Variants in ABCC4 observed in about 807,000 individuals in gnomAD.
ABCC4 encodes the protein ATP binding cassette subfamily C member 4 (PEL blood group), also known as ATP-binding cassette sub-family C member 4.
In ABCC4, 102 loss-of-function variants were observed where a neutral mutation model predicts 168.5. The observed-to-expected ratio is 0.61, with a 90% CI of 0.52 to 0.71. The LOEUF (loss-of-function observed/expected upper bound fraction) is 0.71. Ranked by LOEUF, ABCC4 falls within the 30% of genes least tolerant of loss-of-function variation. The probability of loss-of-function intolerance (pLI) is 0.00; values close to 1 mark genes in which losing one functional copy is unlikely to be tolerated. For missense variants in ABCC4, 1,402 were observed against 1,605.8 expected (o/e 0.87, Z 2.17); for synonymous variants, 617 against 590.7 (o/e 1.04, Z -0.65).
intron 21 of ABCC4, among the ~76,000 whole-genome samples, chr13:95,078,637 G>A (rs564929667): frequency 5.9e-5 from 9 of 152,218 alleles, no homozygotes; most frequent in African/African-American, 2.2e-4. Flanking sequence ...CTGCACCCTG[G>A]AACTTGGTCA....
Position 95,075,265 on chromosome 13 carries a change from C to A in ABCC4, c.2806+167G>T, listed in dbSNP as rs545592849. On this transcript the variant is annotated intron_variant, in intron 22 of 30. Transcript: ENST00000645237. The stretch of plus-strand genomic sequence containing the variant: ...GTGCAGCAGCGATTCCGAGAGGAGT[C>A]CAAGCCCAGAAGAAGGGGATGGGGA... 8 of 863,946 alleles carry A rather than the reference C, an allele frequency of 9.3e-6. No homozygotes were observed. The Admixed American group carries it at 1.9e-4, about 21-fold the overall frequency. The allele number at this position is 863,946 out of a possible 1,614,324, so 53.5% of individuals were successfully genotyped here. A position where few individuals can be genotyped will look rare whatever the true frequency, so the allele number is the denominator to read the frequency against.
intron 20 of ABCC4, 136 bp downstream of exon 20, chr13:95,115,786 C>A: frequency 1.4e-6 from 1 of 707,844 alleles, no homozygotes; most frequent in Non-Finnish European, 2.4e-6. Context: ...CTTTCTTTTA[C>A]AAACATGGCC....
intron 30 of ABCC4, among the ~76,000 whole-genome samples, chr13:95,032,197 C>T (rs1393217753): frequency 1.3e-5 from 2 of 152,186 alleles, no homozygotes; most frequent in African/African-American, 4.8e-5. Flanking sequence ...AGATTTTTGT[C>T]GATCCTAAAG....
intron 4 of ABCC4, among the ~76,000 whole-genome samples, chr13:95,211,686 G>T (rs1348665672): frequency 1.3e-5 from 2 of 152,112 alleles, no homozygotes; most frequent in Non-Finnish European, 2.9e-5. Context: ...ATATGGAACA[G>T]TACGTGTGGT....
intron 1 of ABCC4, among the ~76,000 whole-genome samples, chr13:95,265,042 T>C (rs924453744): frequency 6.6e-6 from 1 of 152,038 alleles, no homozygotes; most frequent in Non-Finnish European, 1.5e-5. Flanking sequence ...CTAATTTTTG[T>C]ATTTTTAGCA....
At chr13:95,052,937 A>G (rs895401811) in intron 27 of ABCC4, among the ~76,000 whole-genome samples, 158 bp downstream of exon 27, 1 of 152,248 alleles carries the variant, frequency 6.6e-6, no homozygotes, top group Non-Finnish European at 1.5e-5. Flanking sequence ...CATCATCAGT[A>G]TACACATTAT....
intron 1 of ABCC4, among the ~76,000 whole-genome samples, chr13:95,297,444 G>A (rs1035408118): frequency 5.3e-5 from 8 of 152,060 alleles, no homozygotes; most frequent in Non-Finnish European, 7.3e-5. Context: ...GCCAGTTATT[G>A]GCATCATTTA....
At chr13:95,102,406 A>T (rs2034841692) in intron 20 of ABCC4, among the ~76,000 whole-genome samples, 1 of 151,986 alleles carries the variant, frequency 6.6e-6, no homozygotes, top group South Asian at 2.1e-4. Context: ...TCGGCCTCCC[A>T]AATTGCTAGG....
At chr13:95,125,959 GCTCTCAAACA>G (rs2035744613) in intron 19 of ABCC4, among the ~76,000 whole-genome samples, 1 of 152,162 alleles carries the variant, frequency 6.6e-6, no homozygotes, top group African/African-American at 2.4e-5. Context: ...TAGGACGACT[GCTCTCAAACA>G]CTGCATGGCC....
intron 27 of ABCC4, among the ~76,000 whole-genome samples, chr13:95,050,252 C>T (rs1212154382): frequency 1.3e-5 from 2 of 152,188 alleles, no homozygotes; most frequent in Non-Finnish European, 2.9e-5. Context: ...ACTCCACGGA[C>T]CCCAGGGGAA....
intron 18 of ABCC4, among the ~76,000 whole-genome samples, chr13:95,162,689 C>A (rs2037137471): frequency 6.6e-6 from 1 of 152,232 alleles, no homozygotes; most frequent in South Asian, 2.1e-4. Context: ...ATTTTGGGGG[C>A]CTTGCTGCCA....
At position 95,156,633 on chromosome 13, in the gene ABCC4, C is replaced by G. The variant is rs1729787; in HGVS notation, c.2455+4556G>C. On this transcript the variant is annotated intron_variant, in intron 19 of 30. Transcript: ENST00000645237. ...AGTACCAGAAAATATCTGCAAATGC[C>G]CTATTCAACTCAGGTCATAATCAAA... Among the ~76,000 whole-genome samples, 699 of 152,168 alleles carry G rather than the reference C, an allele frequency of 4.6e-3. 4 individuals carry two copies. Among genetic ancestry groups the G allele is most frequent in the African/African-American group, 0.015 (642 of 41,514 alleles).
At chr13:95,121,241 C>G (rs559775806) in intron 19 of ABCC4, among the ~76,000 whole-genome samples, 1 of 152,212 alleles carries the variant, frequency 6.6e-6, no homozygotes, top group East Asian at 1.9e-4. Context: ...TGATATTTGC[C>G]TGGACTACTT....
chr13:95,060,256 T>C (rs1029880784), intron 26 of ABCC4, among the ~76,000 whole-genome samples: 7 of 152,226 alleles, frequency 4.6e-5, no homozygotes, highest in Admixed American at 2.6e-4. Flanking sequence ...CTGGACTACA[T>C]ACATAGAGCA....
At chr13:95,194,684 A>C in intron 9 of ABCC4, 152 bp downstream of exon 9, 1 of 567,958 alleles carries the variant, frequency 1.8e-6, no homozygotes, top group Non-Finnish European at 3.0e-6. Context: ...TTAATTGCAA[A>C]ACTTACTCCT....
In ABCC4 at chr13:95,176,226, G is replaced by C. The variant is rs56386947; in HGVS notation, c.1727+1481C>G. ...CAGCACTCCAGGAAGCCGAGGGCAGGGGGGGGGGGGGGGGGGGGGTGGATC... is the reference window on the plus strand; with the variant it reads ...CAGCACTCCAGGAAGCCGAGGGCAGCGGGGGGGGGGGGGGGGGGGTGGATC... On this transcript the variant is annotated intron_variant, in intron 13 of 30. Coordinates refer to ENST00000645237, the MANE Select transcript of ABCC4 (RefSeq NM_005845.5). Among the ~76,000 whole-genome samples the C allele has an allele frequency of 6.0e-3, 136 of 22,780 alleles. 19 individuals are homozygous for C. The highest frequency in any genetic ancestry group is 8.1e-3 in the Middle Eastern group (1 of 124). The allele number at this position is 22,780 out of a possible 152,430, so 14.9% of individuals were successfully genotyped here.
chr13:95,033,259 T>C (rs1374039514), intron 30 of ABCC4, among the ~76,000 whole-genome samples: 2 of 152,294 alleles, frequency 1.3e-5, no homozygotes, highest in East Asian at 1.9e-4. Flanking sequence ...CCTACAGTGA[T>C]GAAAACCTGA....
intron 1 of ABCC4, among the ~76,000 whole-genome samples, chr13:95,254,486 A>G (rs2040346302): frequency 6.6e-6 from 1 of 152,100 alleles, no homozygotes; most frequent in Non-Finnish European, 1.5e-5. Context: ...CAAACTAAAT[A>G]ATGTCCAAAC....
rs780947197 is a variant in ABCC4 at position 95,186,737 on chromosome 13, T to C, written c.1509A>G (p.Arg503=). Residue 503 remains arginine (R), a synonymous_variant, in exon 11 of 31, where the codon CGA becomes CGG. Coordinates refer to ENST00000645237, the MANE Select transcript of ABCC4 (RefSeq NM_005845.5). ...ILFGKKYEKE[R]YEKVIKACAL... is the part of the protein sequence containing the mutation. ...CACAAGCCTTTATGACTTTTTCATA[T>C]CGTTCCTTTTCGTATTTCTTCCCAA... The C allele has an allele frequency of 1.2e-6, 2 of 1,614,138 alleles. No individual in the cohort carries two copies. Among genetic ancestry groups the C allele is most frequent in the South Asian group, 2.2e-5 (2 of 91,080 alleles).
Sources: gnomAD v4.1 joint callset for allele counts (sites outside exome capture counted in the v4.1 genomes callset) on GRCh38, gnomAD v4.1.1 for gene constraint, MANE v1.5 for transcripts, NCBI Gene and HGNC (gene_info 2026-07-23, HGNC 2026-07-21) for gene names.